The following PRKN variants were observed in gnomAD, a reference collection of about 807,000 sequenced individuals.
PRKN encodes the protein parkin RBR E3 ubiquitin protein ligase.
In PRKN, 56 loss-of-function variants were observed where a neutral mutation model predicts 59.5. The ratio of observed to expected loss-of-function variants is 0.94; its 90% CI spans 0.76 to 1.18. The LOEUF (loss-of-function observed/expected upper bound fraction) is 1.18. Among genes scored for constraint, PRKN ranks in the 50% most tolerant of loss-of-function variants. The pLI, the probability that PRKN is intolerant of heterozygous loss-of-function variation, is 0.00. For synonymous variants in PRKN, 250 were observed against 222.1 expected (o/e 1.13, Z -1.12); for missense variants, 657 against 596.4 (o/e 1.10, Z -1.06).
At position 162,128,771 on chromosome 6, in the gene PRKN, A is replaced by C. The variant is rs545779205; in HGVS notation, c.534+72360T>G. Reference sequence around the variant, plus strand: ...CCTCATGGATGGGATTAGGGCCCTTATAAAAGAGGCCCCAGAGAGCTGCCT... The same window carrying C: ...CCTCATGGATGGGATTAGGGCCCTTCTAAAAGAGGCCCCAGAGAGCTGCCT... On this transcript the variant is annotated intron_variant, in intron 4 of 11. Coordinates refer to ENST00000366898, the MANE Select transcript of PRKN (RefSeq NM_004562.3). Among the ~76,000 whole-genome samples the C allele has an allele frequency of 5.8e-4, 88 of 152,328 alleles. 2 individuals carry two copies. The highest frequency in any genetic ancestry group is 2.1e-3 in the African/African-American group (88 of 41,570).
chr6:161,511,543 A>C (rs923415609), intron 9 of PRKN, among the ~76,000 whole-genome samples: 3 of 152,188 alleles, frequency 2.0e-5, no homozygotes, highest in Non-Finnish European at 4.4e-5. Flanking sequence ...CTCCACAGCC[A>C]TATCTGACAC....
chr6:161,782,263 G>C (rs1451461658), intron 7 of PRKN, among the ~76,000 whole-genome samples: 1 of 152,118 alleles, frequency 6.6e-6, no homozygotes, highest in East Asian at 1.9e-4. Context: ...ACTAGGGAGT[G>C]ATCTTTAAAA....
chr6:161,996,288 C>T (rs1380840361), intron 5 of PRKN, among the ~76,000 whole-genome samples: 1 of 152,068 alleles, frequency 6.6e-6, no homozygotes, highest in Non-Finnish European at 1.5e-5. Context: ...GCAAAATAAG[C>T]CAGGCACTGG....
At chr6:161,877,677 C>T (rs1794785392) in intron 6 of PRKN, among the ~76,000 whole-genome samples, 2 of 151,914 alleles carry the variant, frequency 1.3e-5, no homozygotes, top group South Asian at 4.2e-4. Flanking sequence ...ACCGTGTTAG[C>T]CAGGATGGTC....
chr6:161,893,070 T>G (rs1453239053), intron 6 of PRKN, among the ~76,000 whole-genome samples: 2 of 152,246 alleles, frequency 1.3e-5, no homozygotes, highest in Non-Finnish European at 2.9e-5. Context: ...CTTGAACTCC[T>G]GACCTCGTGA....
chr6:162,509,057 T>G (rs1317838238), intron 1 of PRKN, among the ~76,000 whole-genome samples: 1 of 152,146 alleles, frequency 6.6e-6, no homozygotes, highest in Non-Finnish European at 1.5e-5. Context: ...GACAAGTCAT[T>G]AAACTTCAAA....
intron 9 of PRKN, among the ~76,000 whole-genome samples, chr6:161,452,173 C>T (rs1320772175): frequency 2.7e-5 from 4 of 149,238 alleles, no homozygotes; most frequent in East Asian, 1.9e-4. Flanking sequence ...AGGCTGGTGT[C>T]GAAGTCCTGA....
chr6:162,708,153 T>C (rs531875438), intron 1 of PRKN, among the ~76,000 whole-genome samples: 2 of 152,286 alleles, frequency 1.3e-5, no homozygotes, highest in African/African-American at 4.8e-5. Context: ...ATTTTGAAAA[T>C]ATAAAAAGAA....
chr6:162,500,610 A>G (rs1222418492), intron 1 of PRKN, among the ~76,000 whole-genome samples: 2 of 152,182 alleles, frequency 1.3e-5, no homozygotes, highest in Non-Finnish European at 2.9e-5. Context: ...TAGAAGAATG[A>G]CCTAAGTCAG....
intron 1 of PRKN, among the ~76,000 whole-genome samples, chr6:162,596,414 A>G (rs977281222): frequency 3.3e-5 from 5 of 152,308 alleles, no homozygotes; most frequent in Admixed American, 3.3e-4. Flanking sequence ...TTACCATGTG[A>G]TGTTTCTTAC....
intron 6 of PRKN, among the ~76,000 whole-genome samples, chr6:161,944,587 G>T (rs773254359): frequency 9.9e-5 from 15 of 152,098 alleles, no homozygotes; most frequent in Non-Finnish European, 2.1e-4. Flanking sequence ...TAGATGATGA[G>T]TCTCTGAGCC....
intron 2 of PRKN, among the ~76,000 whole-genome samples, chr6:162,296,207 G>A (rs1249640976): frequency 6.7e-6 from 1 of 148,988 alleles, no homozygotes; most frequent in African/African-American, 2.5e-5. Flanking sequence ...AACAGAATGT[G>A]CCCATCCCCC....
intron 4 of PRKN, among the ~76,000 whole-genome samples, chr6:162,115,637 G>T (rs147760363): frequency 6.6e-6 from 1 of 151,760 alleles, no homozygotes; most frequent in Non-Finnish European, 1.5e-5. Context: ...GAAAGCAAGC[G>T]GTGTTTGTCA....
intron 2 of PRKN, among the ~76,000 whole-genome samples, chr6:162,380,537 ATATATATG>A (rs1440840010): frequency 6.9e-6 from 1 of 145,280 alleles, no homozygotes; most frequent in Non-Finnish European, 1.5e-5. Context: ...ATATATACAT[ATATATATG>A]TATCATTAAC....
At chr6:161,907,810 G>T (rs533852919) in intron 6 of PRKN, among the ~76,000 whole-genome samples, 28 of 152,280 alleles carry the variant, frequency 1.8e-4, no homozygotes, top group African/African-American at 6.3e-4. Flanking sequence ...AGGCGCAGGG[G>T]CTTATGCCTA....
At chr6:161,693,694 G>A (rs1010720822) in intron 7 of PRKN, among the ~76,000 whole-genome samples, 5 of 152,202 alleles carry the variant, frequency 3.3e-5, no homozygotes, top group African/African-American at 9.6e-5. Context: ...TAATCATCAC[G>A]AAAACATTTG....
chr6:162,351,274 T>G (rs1051683057), intron 2 of PRKN, among the ~76,000 whole-genome samples: 1 of 152,046 alleles, frequency 6.6e-6, no homozygotes, highest in Non-Finnish European at 1.5e-5. Context: ...GGCAAAAGAT[T>G]TGAATGGACA....
rs575008826 is a variant in PRKN at position 162,246,370 on chromosome 6, A to T, written c.412+16155T>A. ...AGAGACATGCCTAGAAAGAAAGCAAACCTACAACACCTTGATCTTGGACAT... is the reference window on the plus strand; with the variant it reads ...AGAGACATGCCTAGAAAGAAAGCAATCCTACAACACCTTGATCTTGGACAT... On this transcript the variant is annotated intron_variant, in intron 3 of 11. Transcript: ENST00000366898. 1.3e-3 allele frequency among the ~76,000 whole-genome samples: 194 copies of T among 152,244 alleles called. 1 individual carries two copies. The highest frequency in any genetic ancestry group is 4.3e-3 in the African/African-American group (178 of 41,550).
chr6:162,358,092 C>T lies in PRKN; in HGVS notation c.171+85218G>A, dbSNP rs149869676. Among the ~76,000 whole-genome samples, 378 of 152,252 alleles carry T rather than the reference C, an allele frequency of 2.5e-3. 1 individual carries two copies. Among genetic ancestry groups the T allele is most frequent in the Non-Finnish European group, 3.2e-3 (218 of 68,028 alleles). Reference sequence around the variant, plus strand: ...AGTTAATAATAACGTATCAATATTGCTTCACCAATTTAACAAATGTAACAC... The same window carrying T: ...AGTTAATAATAACGTATCAATATTGTTTCACCAATTTAACAAATGTAACAC... On this transcript the variant is annotated intron_variant, in intron 2 of 11. Transcript: ENST00000366898.
Sources: gnomAD v4.1 joint callset for allele counts (sites outside exome capture counted in the v4.1 genomes callset) on GRCh38, gnomAD v4.1.1 for gene constraint, MANE v1.5 for transcripts, NCBI Gene and HGNC (gene_info 2026-07-23, HGNC 2026-07-21) for gene names.